The following NFATC1 variants were observed in gnomAD, a reference collection of about 807,000 sequenced individuals.
NFATC1 encodes the protein nuclear factor of activated T-cells, cytoplasmic 1.
In NFATC1, 22 loss-of-function variants were observed where a neutral mutation model predicts 76.0. That is an observed-to-expected ratio of 0.29 (90% confidence interval 0.21 to 0.41). The LOEUF is 0.41. Among genes scored for constraint, NFATC1 ranks in the 10% least tolerant of loss-of-function variants. The pLI, the probability that NFATC1 is intolerant of heterozygous loss-of-function variation, is 1.00. For missense variants in NFATC1, 1,357 were observed against 1,337.7 expected (o/e 1.01, Z -0.23); for synonymous variants, 704 against 613.1 (o/e 1.15, Z -2.19).
At chr18:79,424,669 C>G (rs935015118) in intron 2 of NFATC1, among the ~76,000 whole-genome samples, 3 of 149,708 alleles carry the variant, frequency 2.0e-5, no homozygotes, top group Non-Finnish European at 4.4e-5. Context: ...GTCTCTCCAT[C>G]TCTGTCTCTG....
rs2084995971 is a variant in NFATC1, at chr18:79,396,178, C to T, written c.-47C>T. The T allele has an allele frequency of 1.4e-6, 2 of 1,423,690 alleles. No individual in the cohort carries two copies. Among genetic ancestry groups the T allele is most frequent in the South Asian group, 1.3e-5 (1 of 74,786 alleles). 88.2% of individuals were successfully genotyped at this position (1,423,690 alleles called of 1,614,324 possible). ...CCCCGGCAGCGCGGGGCGGCCGCTT[C>T]TCCTGTGCCTCCGCCCGCCGCTCCA... On this transcript the variant is annotated 5_prime_UTR_variant, in exon 1 of 10. Coordinates refer to ENST00000427363, the MANE Select transcript of NFATC1 (RefSeq NM_001278669.2).
intron 6 of NFATC1, among the ~76,000 whole-genome samples, chr18:79,454,507 G>A (rs922188214): frequency 6.6e-6 from 1 of 152,190 alleles, no homozygotes; most frequent in Non-Finnish European, 1.5e-5. Flanking sequence ...CCGGGCAAGG[G>A]CATGGCTCGC....
At position 79,489,478 on chromosome 18, in the gene NFATC1, G is replaced by A. The variant is rs184209630; in HGVS notation, c.2782+2541G>A. 3.0e-4 allele frequency among the ~76,000 whole-genome samples: 45 copies of A among 152,306 alleles called. No individual in the cohort carries two copies. In the East Asian group the frequency reaches 8.5e-3, roughly 29 times the overall value. ...AGGATTCGCCAGCTGTAAAGCAGTC[G>A]CTCACACCCCTTTTAAGAAAGTTTG... is the stretch of plus-strand genomic sequence containing the variant. On this transcript the variant is annotated intron_variant, in intron 9 of 9. Transcript: ENST00000427363.
intron 9 of NFATC1, among the ~76,000 whole-genome samples, chr18:79,490,846 A>G (rs2089658289): frequency 6.6e-6 from 1 of 152,104 alleles, no homozygotes; most frequent in South Asian, 2.1e-4. Context: ...GGTCCCTGGA[A>G]CCTGGAACCC....
At chr18:79,423,927 C>T (rs2086189196) in intron 2 of NFATC1, among the ~76,000 whole-genome samples, 1 of 152,174 alleles carries the variant, frequency 6.6e-6, no homozygotes, top group Non-Finnish European at 1.5e-5. Context: ...GACAGTAGCC[C>T]GGGGCCTCTG....
intron 3 of NFATC1, among the ~76,000 whole-genome samples, chr18:79,445,373 G>C (rs1047517713): frequency 7.9e-5 from 12 of 152,258 alleles, no homozygotes; most frequent in Non-Finnish European, 1.3e-4. Flanking sequence ...CTTCCTTCTC[G>C]TGCTTTGGTG....
In NFATC1 at chr18:79,476,613, C is replaced by T. The variant is rs1000179544; in HGVS notation, c.2092+9031C>T. ...GAGCTCTGCGTCTGTTTTCACGCTT[C>T]TGTATGTGTAGGAAGCCCCCCACCG... On this transcript the variant is annotated intron_variant, in intron 8 of 9. Coordinates refer to ENST00000427363, the MANE Select transcript of NFATC1 (RefSeq NM_001278669.2). Among the ~76,000 whole-genome samples, 5 of 152,278 alleles carry T rather than the reference C, an allele frequency of 3.3e-5. No individual in the cohort carries two copies. In the South Asian group the frequency reaches 6.2e-4, roughly 19 times the overall value.
intron 9 of NFATC1, among the ~76,000 whole-genome samples, chr18:79,519,684 T>C (rs924930631): frequency 3.9e-5 from 6 of 152,218 alleles, no homozygotes; most frequent in Admixed American, 6.5e-5. Flanking sequence ...TTATGTTGTT[T>C]CTGCCATGTT....
At chr18:79,457,454 C>T (rs1350882658) in intron 6 of NFATC1, among the ~76,000 whole-genome samples, 5 of 152,166 alleles carry the variant, frequency 3.3e-5, no homozygotes, top group African/African-American at 9.7e-5. Context: ...GAGGAGGGGC[C>T]GGGCTTCTGG....
At chr18:79,427,088 A>G (rs943727843) in intron 2 of NFATC1, among the ~76,000 whole-genome samples, 2 of 152,020 alleles carry the variant, frequency 1.3e-5, no homozygotes, top group African/African-American at 4.8e-5. Context: ...AGGAGGGAGC[A>G]TGTCCCGGGT....
chr18:79,433,811 A>G (rs1568956844), intron 3 of NFATC1, 73 bp downstream of exon 3: 6 of 1,547,680 alleles, frequency 3.9e-6, no homozygotes, highest in Non-Finnish European at 5.2e-6. Flanking sequence ...AGCCACAGCT[A>G]ACTGTGCTTA....
At chr18:79,492,818 G>A (rs1318104618) in intron 9 of NFATC1, among the ~76,000 whole-genome samples, 2 of 149,044 alleles carry the variant, frequency 1.3e-5, no homozygotes, top group Non-Finnish European at 3.0e-5. Context: ...AGGTTGCAGT[G>A]AGCTGAGACC....
At chr18:79,402,161 C>CCGG (rs1480280406) in intron 1 of NFATC1, among the ~76,000 whole-genome samples, 1 of 152,146 alleles carries the variant, frequency 6.6e-6, no homozygotes, top group Non-Finnish European at 1.5e-5. Flanking sequence ...AAGGACACCG[C>CCGG]CGGCGGCGGC....
chr18:79,418,667 C>G (rs1249587708), intron 2 of NFATC1, among the ~76,000 whole-genome samples: 1 of 152,244 alleles, frequency 6.6e-6, no homozygotes, highest in Non-Finnish European at 1.5e-5. Flanking sequence ...GATCATGCCT[C>G]CTGATTGCAC....
chr18:79,414,264 A>G (rs2085799859), intron 2 of NFATC1, among the ~76,000 whole-genome samples: 1 of 152,286 alleles, frequency 6.6e-6, no homozygotes, highest in East Asian at 1.9e-4. Context: ...CTGCACAACT[A>G]GAAAGCTGTA....
intron 4 of NFATC1, among the ~76,000 whole-genome samples, chr18:79,450,251 T>A (rs1449261320): frequency 1.3e-5 from 2 of 152,308 alleles, no homozygotes; most frequent in East Asian, 3.9e-4. Flanking sequence ...GCATTGAGAA[T>A]GTATACATGG....
At chr18:79,417,132 G>A (rs866483007) in intron 2 of NFATC1, among the ~76,000 whole-genome samples, 2 of 81,402 alleles carry the variant, frequency 2.5e-5, no homozygotes, top group South Asian at 6.1e-4. Context: ...GAGATGGGCT[G>A]TGGCGGGAGA....
intron 9 of NFATC1, among the ~76,000 whole-genome samples, chr18:79,516,213 G>A (rs905875209): frequency 2.0e-5 from 3 of 152,192 alleles, no homozygotes; most frequent in Non-Finnish European, 4.4e-5. Context: ...GCGTCCAGAT[G>A]AGGGGCTTGT....
chr18:79,429,487 C>T lies in NFATC1; in HGVS notation c.1227-4092C>T, dbSNP rs532444274. On this transcript the variant is annotated intron_variant, in intron 2 of 9. Transcript: ENST00000427363. ...GTCCTGAGCTTAGGGCTTCAGCAAG[C>T]GAGTTGCCGTTCCGGGGGATGGGCT... Among the ~76,000 whole-genome samples the T allele has an allele frequency of 4.6e-5, 7 of 152,170 alleles. No individual in the cohort carries two copies. In the East Asian group the frequency reaches 7.7e-4, roughly 17 times the overall value.
Sources: gnomAD v4.1 joint callset for allele counts (sites outside exome capture counted in the v4.1 genomes callset) on GRCh38, gnomAD v4.1.1 for gene constraint, MANE v1.5 for transcripts, NCBI Gene and HGNC (gene_info 2026-07-23, HGNC 2026-07-21) for gene names.